Variants in FPR3 observed in about 807,000 individuals in gnomAD.
The protein encoded by FPR3 is N-formyl peptide receptor 3.
For synonymous variants in FPR3, 135 were observed against 163.6 expected, an observed-to-expected ratio of 0.83 and a Z score of 1.34; for missense variants, 346 against 443.2, an observed-to-expected ratio of 0.78 and a Z score of 1.97.
At chr19:51,814,437 A>G (rs2084119366) in intron 1 of FPR3, among the ~76,000 whole-genome samples, 1 of 152,174 alleles carries the variant, frequency 6.6e-6, no homozygotes, top group Non-Finnish European at 1.5e-5. Context: ...ATGATATTGG[A>G]TAACGGGTAC....
chr19:51,812,302 G>A (rs2084102845), intron 1 of FPR3, among the ~76,000 whole-genome samples: 1 of 152,254 alleles, frequency 6.6e-6, no homozygotes, highest in Non-Finnish European at 1.5e-5. Flanking sequence ...ATAAAAGGGT[G>A]ACTATCCACA....
chr19:51,814,960 C>T (rs1004541296), intron 1 of FPR3, among the ~76,000 whole-genome samples: 2 of 151,952 alleles, frequency 1.3e-5, no homozygotes, highest in Admixed American at 1.3e-4. Context: ...CAGCCGCCTG[C>T]CACCACGTCT....
intron 1 of FPR3, 150 bp downstream of exon 1, chr19:51,795,481 T>C (rs1361096742): frequency 6.6e-6 from 1 of 150,390 alleles, no homozygotes; most frequent in Admixed American, 6.6e-5. Flanking sequence ...GTGTTTAATT[T>C]GGTTACATGT....
At position 51,825,139 on chromosome 19, in the gene FPR3, GGGTTCCCA is replaced by G. The variant is rs1214686492; in HGVS notation, c.*330_*337del. On this transcript the variant is annotated 3_prime_UTR_variant, in exon 2 of 2. Transcript: ENST00000339223. ...ACTTCGGACCAACCAGCTTCAATCA[GGGTTCCCA>G]CTACCCCCTCTTTGGGGGTAGAGTG... 1 of 253,900 alleles carries G rather than the reference GGGTTCCCA, an allele frequency of 3.9e-6. No homozygotes were observed. The highest frequency in any genetic ancestry group is 2.3e-5 in the African/African-American group (1 of 44,224). 15.7% of individuals were successfully genotyped at this position (253,900 alleles called of 1,614,324 possible).
chr19:51,814,943 G>A (rs868152865), intron 1 of FPR3, among the ~76,000 whole-genome samples: 36 of 151,898 alleles, frequency 2.4e-4, no homozygotes, highest in African/African-American at 7.5e-4. Context: ...CAAAGTAGCT[G>A]GGACTACAGC....
intron 1 of FPR3, among the ~76,000 whole-genome samples, chr19:51,800,334 T>C (rs2084021090): frequency 1.3e-5 from 2 of 151,880 alleles, no homozygotes; most frequent in African/African-American, 4.8e-5. Context: ...GAAGAGAAAG[T>C]GAGATTAAAG....
intron 1 of FPR3, among the ~76,000 whole-genome samples, chr19:51,807,745 C>A (rs531578118): frequency 5.3e-5 from 8 of 152,204 alleles, no homozygotes; most frequent in South Asian, 2.1e-4. Flanking sequence ...TTATCTATCA[C>A]GCCCATGAAG....
chr19:51,813,151 C>T (rs1419842577), intron 1 of FPR3, among the ~76,000 whole-genome samples: 1 of 151,712 alleles, frequency 6.6e-6, no homozygotes, highest in Non-Finnish European at 1.5e-5. Flanking sequence ...CACACACACA[C>T]ACACACACAC....
intron 1 of FPR3, among the ~76,000 whole-genome samples, chr19:51,812,559 C>T (rs1234786716): frequency 6.6e-6 from 1 of 152,214 alleles, no homozygotes; most frequent in Non-Finnish European, 1.5e-5. Context: ...TACAGACCCT[C>T]AGCTACAGTT....
intron 1 of FPR3, among the ~76,000 whole-genome samples, chr19:51,810,801 C>T (rs1224832809): frequency 6.6e-6 from 1 of 152,170 alleles, no homozygotes; most frequent in African/African-American, 2.4e-5. Flanking sequence ...GCTTTTAATT[C>T]CTTCAACAAC....
At chr19:51,798,528 C>T (rs961551) in intron 1 of FPR3, among the ~76,000 whole-genome samples, 23,455 of 152,052 alleles carry the variant, frequency 0.15, 2,436 homozygotes, top group African/African-American at 0.28. Flanking sequence ...ATTTATTATA[C>T]GAGGGCAGGA....
chr19:51,796,525 A>G (rs987194372), intron 1 of FPR3, among the ~76,000 whole-genome samples: 8 of 152,238 alleles, frequency 5.3e-5, no homozygotes, highest in Non-Finnish European at 1.0e-4. Context: ...CAGGACCAGG[A>G]AAAAGCTATT....
chr19:51,824,899 AC>A lies in FPR3; in HGVS notation c.*91del, dbSNP rs2084221139. 2.2e-6 allele frequency: 2 copies of A among 921,264 alleles called. No homozygotes were observed. The highest frequency in any genetic ancestry group is 3.3e-6 in the Non-Finnish European group (2 of 613,630). The allele number at this position is 921,264 out of a possible 1,614,324, so 57.1% of individuals were successfully genotyped here. On this transcript the variant is annotated 3_prime_UTR_variant, in exon 2 of 2. Coordinates refer to ENST00000339223, the MANE Select transcript of FPR3 (RefSeq NM_002030.5). The surrounding 1 kb of genome is among the most constrained non-coding windows in gnomAD (Gnocchi z 4.7). Reference sequence around the variant, plus strand: ...GACAGTGTTTTTCTTCCTCTTTCATACCACCACCACCACAATCATCAACATA... The same window carrying A: ...GACAGTGTTTTTCTTCCTCTTTCATACACCACCACCACAATCATCAACATA...
At chr19:51,820,769 G>T (rs2084182374) in intron 1 of FPR3, among the ~76,000 whole-genome samples, 1 of 152,070 alleles carries the variant, frequency 6.6e-6, no homozygotes, top group African/African-American at 2.4e-5. Flanking sequence ...TCTGACTGGG[G>T]GCTTTAAATA....
chr19:51,815,759 G>T (rs1406918280), intron 1 of FPR3, among the ~76,000 whole-genome samples: 1 of 151,674 alleles, frequency 6.6e-6, no homozygotes, highest in African/African-American at 2.4e-5. Flanking sequence ...TACTTAGGAG[G>T]CTGAGGCTGG....
chr19:51,811,725 A>G (rs1172078346), intron 1 of FPR3: 1 of 152,370 alleles, frequency 6.6e-6, no homozygotes, highest in Non-Finnish European at 1.5e-5. Context: ...ACAAAAGAGT[A>G]TCTCTGGAAG....
chr19:51,810,572 A>G (rs1417268956), intron 1 of FPR3, among the ~76,000 whole-genome samples: 1 of 152,180 alleles, frequency 6.6e-6, no homozygotes, highest in East Asian at 1.9e-4. Context: ...ACCTAATAGC[A>G]TATCCTCTGT....
At chr19:51,807,406 TA>T (rs1384268946) in intron 1 of FPR3, among the ~76,000 whole-genome samples, 1 of 152,224 alleles carries the variant, frequency 6.6e-6, no homozygotes, top group African/African-American at 2.4e-5. Context: ...GCATTCATGA[TA>T]AACAGTTTGC....
At position 51,795,501 on chromosome 19, in the gene FPR3, A is replaced by ATTTTTTTTTTTTT. The variant is rs1361472024; in HGVS notation, c.-11+172_-11+173insTTTTTTTTTTTTT. 6.4e-4 allele frequency among the ~76,000 whole-genome samples: 49 copies of ATTTTTTTTTTTTT among 77,090 alleles called. 2 individuals are homozygous for ATTTTTTTTTTTTT. Among genetic ancestry groups the ATTTTTTTTTTTTT allele is most frequent in the East Asian group, 7.1e-4 (1 of 1,412 alleles). The allele number at this position is 77,090 out of a possible 152,430, so 50.6% of individuals were successfully genotyped here. A position where few individuals can be genotyped will look rare whatever the true frequency, so the allele number is the denominator to read the frequency against. On this transcript the variant is annotated intron_variant, in intron 1 of 1. Coordinates refer to ENST00000339223, the MANE Select transcript of FPR3 (RefSeq NM_002030.5). ...TAATTTGGTTACATGTTCCAGTAACATTCTTTTTTTTTTTTTTTTTTTTTT... is the reference window on the plus strand; with the variant it reads ...TAATTTGGTTACATGTTCCAGTAACATTTTTTTTTTTTTTTCTTTTTTTTTTTTTTTTTTTTTT...
Sources: allele counts gnomAD v4.1 joint callset (sites outside exome capture counted in the v4.1 genomes callset), GRCh38; gene constraint gnomAD v4.1.1; non-coding constraint Gnocchi (gnomAD v3.1); transcripts MANE v1.5; gene names NCBI Gene and HGNC (gene_info 2026-07-23, HGNC 2026-07-21).